The following TNNI3K variants were observed in gnomAD, a reference collection of about 807,000 sequenced individuals.
TNNI3K encodes TNNI3 interacting kinase.
TNNI3K carries 140 observed loss-of-function variants against 114.5 expected under a neutral mutation model. The observed-to-expected ratio is 1.22, with a 90% CI of 1.07 to 1.41. The LOEUF is 1.41. TNNI3K is among the 40% of genes most tolerant of loss of function. The pLI is 0.00. For synonymous variants in TNNI3K, 347 were observed against 347.5 expected (o/e 1.00, Z 0.02); for missense variants, 1,125 against 1,007.6 (o/e 1.12, Z -1.58).
At chr1:74,253,606 G>A (rs502187) in intron 4 of TNNI3K, among the ~76,000 whole-genome samples, 101,676 of 151,934 alleles carry the variant, frequency 0.67, 34,863 homozygotes, top group East Asian at 0.82. Context: ...CTCACTGCCC[G>A]GAGCCGGCAG....
intron 17 of TNNI3K, among the ~76,000 whole-genome samples, chr1:74,433,919 G>A (rs1184075079): frequency 6.6e-6 from 1 of 151,834 alleles, no homozygotes; most frequent in African/African-American, 2.4e-5. Flanking sequence ...GAGTTTTGGA[G>A]GTTATCTTTG....
In TNNI3K at chr1:74,236,103, T is replaced by A. The variant is rs144055969; in HGVS notation, c.42T>A (p.Asp14Glu). 8.1e-6 allele frequency: 13 copies of A among 1,604,066 alleles called. No homozygotes were observed. Among genetic ancestry groups the A allele is most frequent in the Middle Eastern group, 3.4e-4 (2 of 5,904 alleles). ...ATCTCATTTGTTCTTCTTTACTAGATGAATGGAAGAAAAAAGTCAGTGAAT... is the reference window on the plus strand; with the variant it reads ...ATCTCATTTGTTCTTCTTTACTAGAAGAATGGAAGAAAAAAGTCAGTGAAT... Reference protein sequence around the residue: ...YKSRPTQTCTDEWKKKVSESY... With the variant: ...YKSRPTQTCTEEWKKKVSESY... Residue 14 changes from aspartate (D) to glutamate (E), a missense_variant and splice_region_variant, in exon 2 of 25, where the codon GAT becomes GAA. Physicochemically the swap from Asp to Glu is conservative, Grantham distance 45. Transcript: ENST00000326637.
At chr1:74,514,820 C>G (rs1255369530) in intron 23 of TNNI3K, among the ~76,000 whole-genome samples, 2 of 152,162 alleles carry the variant, frequency 1.3e-5, no homozygotes, top group African/African-American at 4.8e-5. Context: ...GTTGAAGTCT[C>G]AGACCCTGGT....
intron 5 of TNNI3K, among the ~76,000 whole-genome samples, chr1:74,306,756 A>G (rs1658666730): frequency 1.3e-5 from 2 of 152,096 alleles, no homozygotes; most frequent in Admixed American, 6.5e-5. Flanking sequence ...AAGTTAAGAT[A>G]TTAATCTTTT....
At chr1:74,261,203 A>T (rs1655651110) in intron 4 of TNNI3K, among the ~76,000 whole-genome samples, 1 of 151,902 alleles carries the variant, frequency 6.6e-6, no homozygotes, top group Non-Finnish European at 1.5e-5. Context: ...TTAAAATTTG[A>T]TATTAAAATT....
chr1:74,352,925 C>A (rs756724905), intron 9 of TNNI3K, among the ~76,000 whole-genome samples: 1 of 152,196 alleles, frequency 6.6e-6, no homozygotes, highest in Non-Finnish European at 1.5e-5. Context: ...CCAGGTGAGG[C>A]AATGCCTCGC....
intron 21 of TNNI3K, among the ~76,000 whole-genome samples, chr1:74,488,146 G>A (rs888926087): frequency 2.0e-5 from 3 of 152,142 alleles, no homozygotes; most frequent in Non-Finnish European, 2.9e-5. Context: ...AGAATGAGGG[G>A]GTGTGGCTAG....
chr1:74,329,763 C>T (rs529646524), intron 5 of TNNI3K, among the ~76,000 whole-genome samples: 8 of 152,054 alleles, frequency 5.3e-5, no homozygotes, highest in African/African-American at 1.7e-4. Context: ...TTTCTTAATT[C>T]CTGGTTCTCC....
intron 21 of TNNI3K, chr1:74,483,154 G>T (rs1570681660): frequency 1.1e-5 from 7 of 628,254 alleles, no homozygotes; most frequent in South Asian, 3.8e-5. Flanking sequence ...CTCATTAAAG[G>T]GTTACCTCTT....
At chr1:74,253,440 G>A (rs12075610) in intron 4 of TNNI3K, among the ~76,000 whole-genome samples, 4,625 of 152,140 alleles carry the variant, frequency 0.03, 216 homozygotes, top group African/African-American at 0.1. Context: ...GCAGGGGGTC[G>A]GGGGGAAGCT....
chr1:74,355,471 G>A (rs1156864949), intron 11 of TNNI3K, among the ~76,000 whole-genome samples: 1 of 152,114 alleles, frequency 6.6e-6, no homozygotes, highest in Non-Finnish European at 1.5e-5. Flanking sequence ...GGGTGTGGTG[G>A]CAGATGCCTG....
intron 11 of TNNI3K, 145 bp downstream of exon 11, chr1:74,354,274 A>G: frequency 7.3e-7 from 1 of 1,364,654 alleles, no homozygotes; most frequent in Non-Finnish European, 9.9e-7. Flanking sequence ...GGGGCCTTGG[A>G]TCAAAGAGTC....
chr1:74,358,202 C>T (rs373216929), intron 11 of TNNI3K, among the ~76,000 whole-genome samples: 12 of 152,008 alleles, frequency 7.9e-5, no homozygotes, highest in African/African-American at 1.9e-4. Flanking sequence ...TCAGTACTGA[C>T]ACCAGTTAAA....
chr1:74,420,544 A>G (rs960958093), intron 17 of TNNI3K, among the ~76,000 whole-genome samples: 1 of 152,120 alleles, frequency 6.6e-6, no homozygotes, highest in African/African-American at 2.4e-5. Flanking sequence ...ATTATTAAAT[A>G]CCAACATACA....
At chr1:74,350,516 A>G (rs1347463978) in intron 9 of TNNI3K, among the ~76,000 whole-genome samples, 3 of 151,928 alleles carry the variant, frequency 2.0e-5, no homozygotes, top group Admixed American at 6.6e-5. Context: ...CAATTCCTGG[A>G]TATCCTTGTT....
chr1:74,461,960 T>C (rs559248102), intron 20 of TNNI3K, among the ~76,000 whole-genome samples: 1 of 152,318 alleles, frequency 6.6e-6, no homozygotes, highest in South Asian at 2.1e-4. Context: ...GTTAATAACA[T>C]GAGAAAATGC....
At chr1:74,501,580 G>A (rs193025399) in intron 23 of TNNI3K, among the ~76,000 whole-genome samples, 130 of 152,180 alleles carry the variant, frequency 8.5e-4, no homozygotes, top group African/African-American at 3.0e-3. Context: ...TCTGCCTCCT[G>A]GGTTCATGCC....
chr1:74,450,696 G>A (rs551696466), intron 20 of TNNI3K, among the ~76,000 whole-genome samples: 1 of 152,238 alleles, frequency 6.6e-6, no homozygotes, highest in East Asian at 1.9e-4. Flanking sequence ...ACCACAATGA[G>A]ACACCATTTC....
chr1:74,420,803 T>G (rs1194299822), intron 17 of TNNI3K, among the ~76,000 whole-genome samples: 2 of 152,136 alleles, frequency 1.3e-5, no homozygotes, highest in Non-Finnish European at 2.9e-5. Flanking sequence ...TATCAATCTT[T>G]GAAACTAACT....
Sources: allele counts gnomAD v4.1 joint callset (sites outside exome capture counted in the v4.1 genomes callset), GRCh38; gene constraint gnomAD v4.1.1; transcripts MANE v1.5; gene names NCBI Gene and HGNC (gene_info 2026-07-23, HGNC 2026-07-21).